Variants in TCF4 observed in about 807,000 individuals in gnomAD.
TCF4 encodes the protein transcription factor 4.
A neutral mutation model predicts 82.1 loss-of-function variants in TCF4; 3 were observed. That is an observed-to-expected ratio of 0.04 (90% CI 0.02 to 0.09). The LOEUF (loss-of-function observed/expected upper bound fraction) is 0.09. Ranked by LOEUF, TCF4 falls within the 10% of genes least tolerant of loss-of-function variation. TCF4 has a pLI of 1.00. For missense variants in TCF4, 518 were observed against 852.7 expected (o/e 0.61, Z 4.89); for synonymous variants, 276 against 309.6 (o/e 0.89, Z 1.14).
chr18:55,464,461 T>C (rs1447402290), intron 3 of TCF4, among the ~76,000 whole-genome samples: 1 of 152,218 alleles, frequency 6.6e-6, no homozygotes, highest in African/African-American at 2.4e-5. Flanking sequence ...TAAAATAAGT[T>C]TAAAAATGCA....
rs2048890429 is a variant in TCF4, at chr18:55,234,822, G to A, written c.1351-139C>T. The A allele has an allele frequency of 2.6e-6, 3 of 1,159,174 alleles. No homozygotes were observed. The Admixed American group carries it at 5.6e-5, about 22-fold the overall frequency. 71.8% of individuals were successfully genotyped at this position (1,159,174 alleles called of 1,614,324 possible). On this transcript the variant is annotated intron_variant, in intron 15 of 19. Coordinates refer to ENST00000354452, the MANE Select transcript of TCF4 (RefSeq NM_001083962.2). The stretch of plus-strand genomic sequence containing the variant: ...CGCGTTTCACTAGAGGGCGCTGAAG[G>A]ACCGCACATGCACCTATAGTTCCCG...
intron 8 of TCF4, among the ~76,000 whole-genome samples, chr18:55,313,414 T>A (rs1397672251): frequency 6.6e-6 from 1 of 152,102 alleles, no homozygotes; most frequent in Non-Finnish European, 1.5e-5. Flanking sequence ...CAGAAAATAA[T>A]GGCATTGTAT....
chr18:55,224,033 T>C lies in TCF4; in HGVS notation c.*4002A>G, dbSNP rs1370924417. 1.3e-5 allele frequency: 2 copies of C among 149,146 alleles called. No individual in the cohort carries two copies. The highest frequency in any genetic ancestry group is 4.9e-5 in the African/African-American group (2 of 40,844). The allele number at this position is 149,146 out of a possible 1,614,324, so 9.2% of individuals were successfully genotyped here. A position where few individuals can be genotyped will look rare whatever the true frequency, so the allele number is the denominator to read the frequency against. On this transcript the variant is annotated 3_prime_UTR_variant, in exon 20 of 20. Transcript: ENST00000354452. ...TCCTGCGAAAAATAAGCCAAATATA[T>C]TTTTTATTTTTAAATTTAGTTTTTT...
chr18:55,565,974 G>A (rs1393270260), intron 3 of TCF4, among the ~76,000 whole-genome samples: 1 of 151,562 alleles, frequency 6.6e-6, no homozygotes, highest in African/African-American at 2.4e-5. Context: ...GGCTGAGGCA[G>A]GCGATCACGA....
intron 8 of TCF4, chr18:55,332,101 G>A (rs2147781859): frequency 6.6e-6 from 1 of 152,106 alleles, no homozygotes; most frequent in African/African-American, 2.4e-5. Context: ...TTTTTGGCAA[G>A]TCATCTTTAC....
intron 3 of TCF4, among the ~76,000 whole-genome samples, chr18:55,475,254 T>C (rs781006715): frequency 1.4e-4 from 22 of 152,184 alleles, no homozygotes; most frequent in Admixed American, 7.2e-4. Context: ...TATTAGAATT[T>C]TGGAAGAATA....
chr18:55,303,756 C>A (rs2069187520), intron 8 of TCF4, among the ~76,000 whole-genome samples: 2 of 151,966 alleles, frequency 1.3e-5, no homozygotes, highest in African/African-American at 4.8e-5. Flanking sequence ...GGAAGAAGAC[C>A]CTTTGGCTGA....
intron 3 of TCF4, among the ~76,000 whole-genome samples, chr18:55,525,748 C>T (rs1367205137): frequency 1.3e-5 from 2 of 151,666 alleles, no homozygotes; most frequent in African/African-American, 4.8e-5. Flanking sequence ...CAAATGACGC[C>T]GATTTACACA....
intron 2 of TCF4, among the ~76,000 whole-genome samples, chr18:55,597,527 T>C (rs934467166): frequency 6.6e-6 from 1 of 151,826 alleles, no homozygotes; most frequent in Non-Finnish European, 1.5e-5. Flanking sequence ...ATTAGCTGGG[T>C]GTGGTGGTGT....
intron 15 of TCF4, among the ~76,000 whole-genome samples, chr18:55,247,377 T>A (rs2145206093): frequency 6.6e-6 from 1 of 152,250 alleles, no homozygotes; most frequent in South Asian, 2.1e-4. Flanking sequence ...AACATAACAT[T>A]CAATGGGGTT....
At chr18:55,624,882 T>C (rs1047282773) in intron 2 of TCF4, among the ~76,000 whole-genome samples, 1 of 152,222 alleles carries the variant, frequency 6.6e-6, no homozygotes, top group Non-Finnish European at 1.5e-5. Context: ...CTCTGCAACA[T>C]GCCACAAACT....
At chr18:55,560,835 T>C (rs1394658455) in intron 3 of TCF4, among the ~76,000 whole-genome samples, 2 of 152,214 alleles carry the variant, frequency 1.3e-5, no homozygotes, top group African/African-American at 2.4e-5. Flanking sequence ...AAAAAGTCTG[T>C]ACTGTTCATA....
At chr18:55,570,207 C>A (rs775954449) in intron 3 of TCF4, among the ~76,000 whole-genome samples, 95 of 152,154 alleles carry the variant, frequency 6.2e-4, no homozygotes, top group Non-Finnish European at 1.1e-3. Context: ...TCAATCCCAA[C>A]TGCATGGAAA....
intron 8 of TCF4, among the ~76,000 whole-genome samples, chr18:55,283,221 T>C (rs1775187385): frequency 6.6e-6 from 1 of 151,888 alleles, no homozygotes; most frequent in African/African-American, 2.4e-5. Flanking sequence ...CCAAGAAGTA[T>C]TACTATGGTA....
At chr18:55,229,424 AC>A in intron 17 of TCF4, 1 of 330,380 alleles carries the variant, frequency 3.0e-6, no homozygotes, top group Non-Finnish European at 5.8e-6. Flanking sequence ...GCAGGCATTC[AC>A]CAACTTACGC....
chr18:55,413,384 AG>A (rs1379897873), intron 5 of TCF4, among the ~76,000 whole-genome samples: 2 of 152,208 alleles, frequency 1.3e-5, no homozygotes, highest in African/African-American at 2.4e-5. Context: ...ACACATTCCA[AG>A]GAAGACAAAG....
intron 5 of TCF4, among the ~76,000 whole-genome samples, chr18:55,435,752 C>CG (rs2095316244): frequency 6.6e-6 from 1 of 152,212 alleles, no homozygotes; most frequent in African/African-American, 2.4e-5. Context: ...CTCCCTCTGG[C>CG]TGGCTGTTTT....
chr18:55,525,516 T>C (rs540107567), intron 3 of TCF4, among the ~76,000 whole-genome samples: 6 of 152,138 alleles, frequency 3.9e-5, no homozygotes, highest in Non-Finnish European at 7.3e-5. Context: ...TCCTGCAAAA[T>C]ACAATTAACC....
intron 1 of TCF4, among the ~76,000 whole-genome samples, chr18:55,587,454 C>G (rs1359450998): frequency 1.4e-5 from 2 of 146,926 alleles, no homozygotes; most frequent in Non-Finnish European, 3.0e-5. Flanking sequence ...AAAAAAAAAG[C>G]CGCTCTTCAG....
Sources: gnomAD v4.1 joint callset for allele counts (sites outside exome capture counted in the v4.1 genomes callset) on GRCh38, gnomAD v4.1.1 for gene constraint, MANE v1.5 for transcripts, NCBI Gene and HGNC (gene_info 2026-07-23, HGNC 2026-07-21) for gene names.